STAT5B: variants seen among roughly 807,000 people sequenced by gnomAD.
The protein encoded by STAT5B is signal transducer and activator of transcription 5B, also known as transcription factor STAT5B.
In STAT5B, 21 loss-of-function variants were observed where a neutral mutation model predicts 107.8. The observed-to-expected ratio is 0.19, with a 90% CI of 0.14 to 0.28. The LOEUF is 0.28. Ranked by LOEUF, STAT5B falls within the 10% of genes least tolerant of loss-of-function variation. The pLI is 1.00. For synonymous variants in STAT5B, 325 were observed against 401.7 expected, an observed-to-expected ratio of 0.81 and a Z score of 2.28; for missense variants, 565 against 1,008.2, an observed-to-expected ratio of 0.56 and a Z score of 5.95.
At chr17:42,220,835 G>A (rs568411677) in intron 5 of STAT5B, among the ~76,000 whole-genome samples, 1,829 of 152,124 alleles carry the variant, frequency 0.012, 26 homozygotes, top group African/African-American at 0.041. Context: ...GTGGAACACA[G>A]GAGCACCTGT....
chr17:42,238,100 A>G (rs1165368617), intron 1 of STAT5B, among the ~76,000 whole-genome samples: 12 of 1,772 alleles, frequency 6.8e-3, no homozygotes, highest in South Asian at 0.028. Flanking sequence ...TTTTCTATCC[A>G]TCCATCCATC....
intron 1 of STAT5B, among the ~76,000 whole-genome samples, chr17:42,249,402 A>T (rs1030645956): frequency 6.6e-6 from 1 of 152,004 alleles, no homozygotes; most frequent in South Asian, 2.1e-4. Flanking sequence ...CAAAAAAAAT[A>T]AAAAGAAAAA....
rs142359933 is a variant in STAT5B, at chr17:42,226,692, C to T, written c.285+837G>A. ...GTGTGGTGGCATGCACCTGTAGTCC[C>T]AGCTACTTGGGAGGCTGAGGCAGGA... On this transcript the variant is annotated intron_variant, in intron 3 of 18. Coordinates refer to ENST00000293328, the MANE Select transcript of STAT5B (RefSeq NM_012448.4). Among the ~76,000 whole-genome samples the T allele has an allele frequency of 7.3e-5, 11 of 151,242 alleles. 1 individual carries two copies. The highest frequency in any genetic ancestry group is 1.9e-4 in the African/African-American group (8 of 41,142).
At chr17:42,238,047 C>T (rs1244584249) in intron 1 of STAT5B, among the ~76,000 whole-genome samples, 1 of 152,098 alleles carries the variant, frequency 6.6e-6, no homozygotes, top group Non-Finnish European at 1.5e-5. Flanking sequence ...CCACAAATAG[C>T]TCTTGCTATC....
At chr17:42,285,093 C>A in the STAT5B span, among the ~76,000 whole-genome samples, 50 of 138,362 alleles carry the variant, frequency 3.6e-4, no homozygotes, top group East Asian at 0.01. Flanking sequence ...TTTTTTTTTT[C>A]TTTTCTTTTT....
At chr17:42,221,873 T>C (rs778339924) in intron 5 of STAT5B, among the ~76,000 whole-genome samples, 5 of 152,140 alleles carry the variant, frequency 3.3e-5, no homozygotes, top group Admixed American at 2.0e-4. Flanking sequence ...GGAACCTACA[T>C]ACATGGAATT....
intron 1 of STAT5B, among the ~76,000 whole-genome samples, chr17:42,259,270 G>A (rs995887212): frequency 1.1e-4 from 17 of 152,086 alleles, no homozygotes; most frequent in African/African-American, 4.1e-4. Context: ...CCAAAGTGTT[G>A]GGATTACAGG....
chr17:42,268,893 T>C (rs1598342963), intron 1 of STAT5B, among the ~76,000 whole-genome samples: 1 of 152,202 alleles, frequency 6.6e-6, no homozygotes, highest in South Asian at 2.1e-4. Flanking sequence ...GAATGCTATA[T>C]TACAAAGCTG....
chr17:42,202,521 G>C (rs2080053719), intron 17 of STAT5B, 74 bp from the exon 18 acceptor site: 4 of 1,544,966 alleles, frequency 2.6e-6, no homozygotes, highest in Admixed American at 1.8e-5. Context: ...GGACCAAGGG[G>C]TATCTTTGTC....
intron 5 of STAT5B, among the ~76,000 whole-genome samples, chr17:42,221,354 G>A (rs1194654368): frequency 2.0e-5 from 3 of 152,120 alleles, no homozygotes; most frequent in Admixed American, 1.3e-4. Flanking sequence ...ATTTGCAGAA[G>A]CTTTTGGGAA....
In STAT5B at chr17:42,203,149, C is replaced by T. The variant is rs549230441; in HGVS notation, c.2078-341G>A. On this transcript the variant is annotated intron_variant, in intron 16 of 18. Transcript: ENST00000293328. ...AGAGATGGGGTTTCACCATGTCACCCAGGCTGTTTTCTAACTCCTGACCTC... is the reference window on the plus strand; with the variant it reads ...AGAGATGGGGTTTCACCATGTCACCTAGGCTGTTTTCTAACTCCTGACCTC... Among the ~76,000 whole-genome samples the T allele has an allele frequency of 1.3e-4, 20 of 152,142 alleles. No individual in the cohort carries two copies. The East Asian group carries it at 3.7e-3, about 28-fold the overall frequency.
intron 2 of STAT5B, among the ~76,000 whole-genome samples, chr17:42,231,533 G>A (rs1264286176): frequency 6.6e-6 from 1 of 152,032 alleles, no homozygotes; most frequent in African/African-American, 2.4e-5. Flanking sequence ...ACAGAGACAG[G>A]GTTTTGCTAT....
intron 1 of STAT5B, among the ~76,000 whole-genome samples, chr17:42,250,503 A>C (rs1227727181): frequency 6.6e-6 from 1 of 152,214 alleles, no homozygotes. Context: ...TAAGCATGGG[A>C]AATGAGAAAA....
rs367560853 is a variant in STAT5B, at chr17:42,216,139, C to A, written c.1381-33G>T. On this transcript the variant is annotated intron_variant, in intron 11 of 18. Coordinates refer to ENST00000293328, the MANE Select transcript of STAT5B (RefSeq NM_012448.4). Reference sequence around the variant, plus strand: ...GACACAAGAGAAGGCTGAGCGCCCACGAGCCTCAAGTTCTTCTCCTTCTCT... The same window carrying A: ...GACACAAGAGAAGGCTGAGCGCCCAAGAGCCTCAAGTTCTTCTCCTTCTCT... 9 of 1,583,282 alleles carry A rather than the reference C, an allele frequency of 5.7e-6. No homozygotes were observed. In the East Asian group the frequency reaches 6.8e-5, roughly 12 times the overall value.
intron 16 of STAT5B, 26 bp from the exon 17 acceptor site, chr17:42,202,834 C>A: frequency 6.2e-7 from 1 of 1,614,220 alleles, no homozygotes; most frequent in South Asian, 1.1e-5. Flanking sequence ...TGTAGTAAAT[C>A]AAAGTTCTCA....
chr17:42,281,486 C>T (rs1007386448), upstream of STAT5B, among the ~76,000 whole-genome samples: 21 of 152,154 alleles, frequency 1.4e-4, no homozygotes, highest in African/African-American at 4.3e-4. Context: ...AAAAGGAGAG[C>T]ATTTGTGAAG....
At chr17:42,287,861 G>A in the STAT5B span, 1 of 152,266 alleles carries the variant, frequency 6.6e-6, no homozygotes, top group East Asian at 1.9e-4. Flanking sequence ...CGTCAGGGTT[G>A]AGTTTAGATG....
chr17:42,254,202 C>T (rs2080522676), intron 1 of STAT5B, among the ~76,000 whole-genome samples: 1 of 152,038 alleles, frequency 6.6e-6, no homozygotes, highest in Non-Finnish European at 1.5e-5. Context: ...ACAGCAAGAC[C>T]TCATCTCTAC....
At chr17:42,202,314 T>G (rs2080051468) in intron 18 of STAT5B, 26 bp downstream of exon 18, 5 of 1,613,852 alleles carry the variant, frequency 3.1e-6, no homozygotes, top group Non-Finnish European at 8.5e-7. Flanking sequence ...TCCTCCCCTG[T>G]GGACCCCCAC....
Sources: allele counts gnomAD v4.1 joint callset (sites outside exome capture counted in the v4.1 genomes callset), GRCh38; gene constraint gnomAD v4.1.1; transcripts MANE v1.5; gene names NCBI Gene and HGNC (gene_info 2026-07-23, HGNC 2026-07-21).